The following CCNYL1 variants were observed in gnomAD, a reference collection of about 807,000 sequenced individuals.
CCNYL1 encodes the protein cyclin-Y-like protein 1.
CCNYL1 carries 16 observed loss-of-function variants against 44.2 expected under a neutral mutation model. The observed-to-expected ratio is 0.36, with a 90% CI of 0.25 to 0.55. The LOEUF is 0.55. Among genes scored for constraint, CCNYL1 ranks in the 20% least tolerant of loss-of-function variants. The pLI is 0.85. For synonymous variants in CCNYL1, 159 were observed against 163.2 expected, an observed-to-expected ratio of 0.97 and a Z score of 0.20; for missense variants, 348 against 451.8, an observed-to-expected ratio of 0.77 and a Z score of 2.08.
intron 1 of CCNYL1, 55 bp downstream of exon 1, chr2:207,712,171 C>G (rs1217019749): frequency 6.8e-7 from 1 of 1,464,922 alleles, no homozygotes; most frequent in East Asian, 2.6e-5. Context: ...CCGCCTCCTC[C>G]CCCAGAGTCC....
intron 1 of CCNYL1, among the ~76,000 whole-genome samples, chr2:207,718,456 T>C (rs1030298022): frequency 2.0e-5 from 3 of 151,692 alleles, no homozygotes; most frequent in African/African-American, 7.3e-5. Flanking sequence ...TGCATTGAGC[T>C]GTGATTGCTC....
rs998079141 is a variant in CCNYL1 at position 207,711,753 on chromosome 2, C to T, written c.-144C>T. 2.0e-4 allele frequency: 85 copies of T among 429,522 alleles called. No homozygotes were observed. The highest frequency in any genetic ancestry group is 3.1e-4 in the Non-Finnish European group (83 of 264,926). 26.6% of individuals were successfully genotyped at this position (429,522 alleles called of 1,614,324 possible). On this transcript the variant is annotated 5_prime_UTR_variant, in exon 1 of 10. Coordinates refer to ENST00000295414, the MANE Select transcript of CCNYL1 (RefSeq NM_001330218.2). ...GCGGGCGGGCGAACCGCGGGCGAGG[C>T]GGCGTCTGCTTGCGCGGTGCAGCCC...
chr2:207,723,145 C>T (rs1402954914), intron 1 of CCNYL1, among the ~76,000 whole-genome samples: 1 of 152,076 alleles, frequency 6.6e-6, no homozygotes, highest in Non-Finnish European at 1.5e-5. Flanking sequence ...CCTCTAAAAG[C>T]AGTTTAAAAA....
chr2:207,724,753 T>C (rs201730087), intron 1 of CCNYL1, 47 bp from the exon 2 acceptor site: 1 of 1,358,604 alleles, frequency 7.4e-7, no homozygotes, highest in Admixed American at 1.7e-5. Flanking sequence ...AGAAATCATC[T>C]TTTCTACTCA....
rs1402198139 is a variant in CCNYL1 at position 207,754,048 on chromosome 2, C to T, written c.*350C>T. The stretch of plus-strand genomic sequence containing the variant: ...TTTAAATTTTTAGACTTTAAAGACA[C>T]TAACCATATAACTTTTATGTTTCTT... On this transcript the variant is annotated 3_prime_UTR_variant, in exon 10 of 10. Transcript: ENST00000295414. 1 of 175,354 alleles carries T rather than the reference C, an allele frequency of 5.7e-6. No individual in the cohort carries two copies. Among genetic ancestry groups the T allele is most frequent in the South Asian group, 1.9e-4 (1 of 5,358 alleles). 10.9% of individuals were successfully genotyped at this position (175,354 alleles called of 1,614,324 possible). A position where few individuals can be genotyped will look rare whatever the true frequency, so the allele number is the denominator to read the frequency against.
rs2091928831 is a variant in CCNYL1 at position 207,755,935 on chromosome 2, C to T, written c.*2237C>T. 7 of 152,088 alleles carry T rather than the reference C, an allele frequency of 4.6e-5. No homozygotes were observed. In the South Asian group the frequency reaches 1.4e-3, roughly 31 times the overall value. 9.4% of individuals were successfully genotyped at this position (152,088 alleles called of 1,614,324 possible). On this transcript the variant is annotated 3_prime_UTR_variant, in exon 10 of 10. Transcript: ENST00000295414. Reference sequence around the variant, plus strand: ...GAGTACTTCCTCTATTATAGCAATGCTTCACATCATATTGTGCTGCAGTTT... The same window carrying T: ...GAGTACTTCCTCTATTATAGCAATGTTTCACATCATATTGTGCTGCAGTTT...
intron 1 of CCNYL1, 71 bp from the exon 2 acceptor site, chr2:207,724,729 T>A (rs2091666781): frequency 1.9e-6 from 2 of 1,042,074 alleles, no homozygotes; most frequent in Non-Finnish European, 3.0e-6. Flanking sequence ...TTAAAATGGA[T>A]GTGTATCTAT....
rs141257927 is a variant in CCNYL1, at chr2:207,712,904, C to T, written c.220+788C>T. Among the ~76,000 whole-genome samples the T allele has an allele frequency of 2.2e-3, 331 of 152,336 alleles. 1 individual carries two copies. The highest frequency in any genetic ancestry group is 0.014 in the Middle Eastern group (4 of 294). On this transcript the variant is annotated intron_variant, in intron 1 of 9. Coordinates refer to ENST00000295414, the MANE Select transcript of CCNYL1 (RefSeq NM_001330218.2). ...GATCTCGGCTCGCTGCAACCTCCGC[C>T]TCTCGGTTTCAAGCGATTCCTCTGC...
At chr2:207,719,498 G>A (rs1423147615) in intron 1 of CCNYL1, among the ~76,000 whole-genome samples, 2 of 151,780 alleles carry the variant, frequency 1.3e-5, no homozygotes, top group East Asian at 1.9e-4. Flanking sequence ...AAGGGGTTTC[G>A]CCATCTTGGC....
intron 3 of CCNYL1, among the ~76,000 whole-genome samples, chr2:207,733,745 A>G (rs1010651929): frequency 6.6e-6 from 1 of 152,244 alleles, no homozygotes; most frequent in East Asian, 1.9e-4. Context: ...GCAGCATTTC[A>G]TAACCCATTC....
At position 207,711,755 on chromosome 2, in the gene CCNYL1, G is replaced by A; in HGVS notation, c.-142G>A. Reference sequence around the variant, plus strand: ...GGGCGGGCGAACCGCGGGCGAGGCGGCGTCTGCTTGCGCGGTGCAGCCCCA... The same window carrying A: ...GGGCGGGCGAACCGCGGGCGAGGCGACGTCTGCTTGCGCGGTGCAGCCCCA... On this transcript the variant is annotated 5_prime_UTR_variant, in exon 1 of 10. Transcript: ENST00000295414. The A allele has an allele frequency of 2.3e-6, 1 of 438,972 alleles. No homozygotes were observed. The highest frequency in any genetic ancestry group is 3.7e-6 in the Non-Finnish European group (1 of 271,288). 27.2% of individuals were successfully genotyped at this position (438,972 alleles called of 1,614,324 possible).
At chr2:207,713,347 A>T (rs1333285377) in intron 1 of CCNYL1, among the ~76,000 whole-genome samples, 1 of 152,190 alleles carries the variant, frequency 6.6e-6, no homozygotes, top group Non-Finnish European at 1.5e-5. Flanking sequence ...TGCCTGCTCA[A>T]GAGTATTTGT....
chr2:207,744,150 G>A (rs1410848859), intron 7 of CCNYL1, among the ~76,000 whole-genome samples: 1 of 152,138 alleles, frequency 6.6e-6, no homozygotes, highest in Non-Finnish European at 1.5e-5. Flanking sequence ...TTTGAGCAGT[G>A]ACCTGATCAA....
chr2:207,735,375 A>G (rs1385569139), intron 4 of CCNYL1, among the ~76,000 whole-genome samples: 1 of 152,248 alleles, frequency 6.6e-6, no homozygotes, highest in Non-Finnish European at 1.5e-5. Context: ...TTTTCAAAAT[A>G]TATGTCCACA....
intron 8 of CCNYL1, among the ~76,000 whole-genome samples, chr2:207,749,722 C>G (rs576176477): frequency 5.0e-4 from 76 of 152,258 alleles, no homozygotes; most frequent in Non-Finnish European, 9.3e-4. Flanking sequence ...ATTTACATTT[C>G]TATAGGCTTA....
rs2091927043 is a variant in CCNYL1, at chr2:207,755,674, A to G, written c.*1976A>G. 1 of 152,238 alleles carries G rather than the reference A, an allele frequency of 6.6e-6. No individual in the cohort carries two copies. The highest frequency in any genetic ancestry group is 1.5e-5 in the Non-Finnish European group (1 of 68,028). The allele number at this position is 152,238 out of a possible 1,614,324, so 9.4% of individuals were successfully genotyped here. ...CAGCTGTTTTATCATCCTACATGCT[A>G]CCAAGCTGTAGGTGTCCCATTAAGT... On this transcript the variant is annotated 3_prime_UTR_variant, in exon 10 of 10. Transcript: ENST00000295414.
intron 1 of CCNYL1, among the ~76,000 whole-genome samples, chr2:207,720,301 T>G (rs1021883799): frequency 6.6e-6 from 1 of 152,086 alleles, no homozygotes; most frequent in Admixed American, 6.5e-5. Context: ...GATACTGCCT[T>G]TTTTCCACCT....
intron 1 of CCNYL1, chr2:207,714,275 G>A (rs967236205): frequency 1.1e-5 from 4 of 347,850 alleles, no homozygotes; most frequent in Non-Finnish European, 2.2e-5. Flanking sequence ...TCCTTTCAAA[G>A]TTTATTTTAC....
intron 1 of CCNYL1, 45 bp downstream of exon 1, chr2:207,712,161 C>T (rs760918911): frequency 6.5e-7 from 1 of 1,527,178 alleles, no homozygotes; most frequent in Non-Finnish European, 8.9e-7. Context: ...TCACCTCTGC[C>T]CGCCTCCTCC....
Sources: gnomAD v4.1 joint callset for allele counts (sites outside exome capture counted in the v4.1 genomes callset) on GRCh38, gnomAD v4.1.1 for gene constraint, MANE v1.5 for transcripts, NCBI Gene and HGNC (gene_info 2026-07-23, HGNC 2026-07-21) for gene names.